The following ACOXL variants were observed in gnomAD, a reference collection of about 807,000 sequenced individuals.
ACOXL encodes acyl-coenzyme A oxidase-like protein.
A neutral mutation model predicts 71.9 loss-of-function variants in ACOXL; 70 were observed. That is an observed-to-expected ratio of 0.97 (90% confidence interval 0.80 to 1.19). ACOXL has a LOEUF of 1.19. Ranked by LOEUF, ACOXL falls within the 50% of genes most tolerant of loss-of-function variation. The pLI is 0.00. For synonymous variants in ACOXL, 253 were observed against 281.6 expected (o/e 0.90, Z 1.02); for missense variants, 703 against 736.3 (o/e 0.95, Z 0.52).
At chr2:110,949,872 A>G (rs2061258016) in intron 12 of ACOXL, among the ~76,000 whole-genome samples, 2 of 152,168 alleles carry the variant, frequency 1.3e-5, no homozygotes, top group Non-Finnish European at 2.9e-5. Flanking sequence ...AGGCCTTCCA[A>G]ACTAAGGCTA....
intron 10 of ACOXL, among the ~76,000 whole-genome samples, chr2:110,848,026 C>T (rs1055941631): frequency 6.6e-6 from 1 of 152,176 alleles, no homozygotes; most frequent in African/African-American, 2.4e-5. Context: ...AATGAAAAAG[C>T]AGCATCAATG....
chr2:110,960,032 A>G (rs2061643060), intron 12 of ACOXL, among the ~76,000 whole-genome samples: 1 of 152,174 alleles, frequency 6.6e-6, no homozygotes, highest in South Asian at 2.1e-4. Flanking sequence ...TAGAAAGCAA[A>G]GGTGGTGGGT....
chr2:110,935,542 C>A (rs187972453), intron 12 of ACOXL, among the ~76,000 whole-genome samples: 2 of 152,284 alleles, frequency 1.3e-5, no homozygotes, highest in Admixed American at 1.3e-4. Flanking sequence ...GAGGACCACC[C>A]AGCAGTGCGG....
intron 10 of ACOXL, among the ~76,000 whole-genome samples, chr2:110,898,839 C>T (rs1363961845): frequency 6.6e-6 from 1 of 151,844 alleles, no homozygotes; most frequent in East Asian, 1.9e-4. Context: ...TGTAGAAAAC[C>T]CCAAGATATC....
At position 111,023,906 on chromosome 2, in the gene ACOXL, T is replaced by C. The variant is rs2064893899; in HGVS notation, c.1282-7721T>C. Among the ~76,000 whole-genome samples, 8 of 152,040 alleles carry C rather than the reference T, an allele frequency of 5.3e-5. 1 individual carries two copies. Among genetic ancestry groups the C allele is most frequent in the Admixed American group, 5.2e-4 (8 of 15,278 alleles). On this transcript the variant is annotated intron_variant, in intron 14 of 17. Coordinates refer to ENST00000439055, the MANE Select transcript of ACOXL (RefSeq NM_001142807.4). The stretch of plus-strand genomic sequence containing the variant: ...GGTGGGTGGCTGGGCCAAGAGAACA[T>C]GCAAGGACAATCTGAGCACTCACTC...
At chr2:110,867,862 A>G (rs913340979) in intron 10 of ACOXL, among the ~76,000 whole-genome samples, 4 of 152,094 alleles carry the variant, frequency 2.6e-5, no homozygotes, top group Non-Finnish European at 5.9e-5. Context: ...TCTTGGGCTC[A>G]CGCCATTCTC....
chr2:111,020,394 ACT>A lies in ACOXL; in HGVS notation c.1282-11230_1282-11229del, dbSNP rs1294681513. 3.9e-5 allele frequency among the ~76,000 whole-genome samples: 6 copies of A among 152,070 alleles called. No individual in the cohort carries two copies. In the East Asian group the frequency reaches 9.7e-4, roughly 25 times the overall value. ...GAGCTCCCAGGAGGATGCCTGAATCACTCTGGGGATGGAGAGCTGGTGGGGGG... is the reference window on the plus strand; with the variant it reads ...GAGCTCCCAGGAGGATGCCTGAATCACTGGGGATGGAGAGCTGGTGGGGGG... On this transcript the variant is annotated intron_variant, in intron 14 of 17. Transcript: ENST00000439055.
At chr2:110,850,099 A>T (rs72832868) in intron 10 of ACOXL, among the ~76,000 whole-genome samples, 28,758 of 152,230 alleles carry the variant, frequency 0.19, 2,727 homozygotes, top group South Asian at 0.23. Flanking sequence ...ACCTTGTAGC[A>T]TGTACAAGCA....
At chr2:110,822,292 A>G (rs1688705612) in intron 9 of ACOXL, among the ~76,000 whole-genome samples, 1 of 152,170 alleles carries the variant, frequency 6.6e-6, no homozygotes, top group Non-Finnish European at 1.5e-5. Flanking sequence ...CTCACGTCTC[A>G]ACTCTGATCC....
chr2:111,003,661 T>C (rs10183720), intron 14 of ACOXL, among the ~76,000 whole-genome samples: 136,021 of 151,402 alleles, frequency 0.9, 61,358 homozygotes, highest in African/African-American at 0.97. Flanking sequence ...GGTTATGATA[T>C]AAATTTGTTA....
chr2:111,038,241 GGCA>G (rs2065616326), intron 15 of ACOXL, among the ~76,000 whole-genome samples: 1 of 152,222 alleles, frequency 6.6e-6, no homozygotes, highest in African/African-American at 2.4e-5. Flanking sequence ...AGTTAAAAGA[GGCA>G]GAAGGAAGAC....
chr2:111,085,638 A>C (rs1290006313), intron 16 of ACOXL, among the ~76,000 whole-genome samples: 3 of 152,158 alleles, frequency 2.0e-5, no homozygotes, highest in Non-Finnish European at 4.4e-5. Context: ...AAAGATCTGA[A>C]AATAATTACC....
At chr2:110,931,642 G>A (rs2060483196) in intron 11 of ACOXL, among the ~76,000 whole-genome samples, 1 of 152,114 alleles carries the variant, frequency 6.6e-6, no homozygotes, top group Non-Finnish European at 1.5e-5. Flanking sequence ...TACTTCAGTT[G>A]AGCCTCAGTT....
At chr2:111,060,964 A>C (rs756659738) in intron 16 of ACOXL, among the ~76,000 whole-genome samples, 2 of 152,166 alleles carry the variant, frequency 1.3e-5, no homozygotes, top group Non-Finnish European at 2.9e-5. Context: ...GAAATGACTG[A>C]CTCTGTACAA....
intron 11 of ACOXL, among the ~76,000 whole-genome samples, chr2:110,918,001 C>G (rs2059927932): frequency 6.6e-6 from 1 of 152,146 alleles, no homozygotes; most frequent in Non-Finnish European, 1.5e-5. Flanking sequence ...TTTATAGATT[C>G]AATGCTATCC....
chr2:111,043,382 TTCTC>T (rs2065873372), intron 15 of ACOXL, among the ~76,000 whole-genome samples: 1 of 152,246 alleles, frequency 6.6e-6, no homozygotes, highest in East Asian at 1.9e-4. Context: ...GCCTTTTTGT[TTCTC>T]TCTCTCTCTT....
chr2:111,009,513 C>CAAAAAAAAAA (rs35134750), intron 14 of ACOXL, among the ~76,000 whole-genome samples: 1 of 115,000 alleles, frequency 8.7e-6, no homozygotes, highest in Admixed American at 9.2e-5. Flanking sequence ...GACTCCGTCT[C>CAAAAAAAAAA]AAAAAAAAAA....
intron 12 of ACOXL, chr2:110,968,371 T>A (rs2062025183): frequency 1.7e-6 from 2 of 1,149,884 alleles, no homozygotes. Flanking sequence ...TACCAGATGA[T>A]TCCCTGGTTA....
chr2:111,063,349 A>G (rs2066908915), intron 16 of ACOXL, among the ~76,000 whole-genome samples: 1 of 152,186 alleles, frequency 6.6e-6, no homozygotes, highest in East Asian at 1.9e-4. Flanking sequence ...AATATACCTT[A>G]TAAACATAGA....
Sources: gnomAD v4.1 joint callset for allele counts (sites outside exome capture counted in the v4.1 genomes callset) on GRCh38, gnomAD v4.1.1 for gene constraint, MANE v1.5 for transcripts, NCBI Gene and HGNC (gene_info 2026-07-23, HGNC 2026-07-21) for gene names.